The following SGSM2 variants were observed in gnomAD, a reference collection of about 807,000 sequenced individuals.
SGSM2 encodes RUN and TBC1 domain containing 1.
A neutral mutation model predicts 126.6 loss-of-function variants in SGSM2; 89 were observed. The observed-to-expected ratio is 0.70, with a 90% CI of 0.59 to 0.84. The LOEUF (loss-of-function observed/expected upper bound fraction) is 0.84. Ranked by LOEUF, SGSM2 falls within the 40% of genes least tolerant of loss-of-function variation. The probability of loss-of-function intolerance (pLI) is 0.00; values close to 1 mark genes in which losing one functional copy is unlikely to be tolerated. For synonymous variants in SGSM2, 614 were observed against 574.3 expected (o/e 1.07, Z -0.99); for missense variants, 1,404 against 1,416.6 (o/e 0.99, Z 0.14).
chr17:2,376,307 C>CG (rs200098096), intron 19 of SGSM2, 46 bp downstream of exon 19: 2 of 1,610,776 alleles, frequency 1.2e-6, no homozygotes, highest in Non-Finnish European at 1.7e-6. Context: ...GACCCTGCCG[C>CG]CAGTTACTCT....
chr17:2,352,936 C>G lies in SGSM2; in HGVS notation c.134-8701C>G, dbSNP rs1193446522. Among the ~76,000 whole-genome samples, 2 of 147,720 alleles carry G rather than the reference C, an allele frequency of 1.4e-5. 1 individual carries two copies. Among genetic ancestry groups the G allele is most frequent in the Non-Finnish European group, 3.0e-5 (2 of 66,880 alleles). On this transcript the variant is annotated intron_variant, in intron 2 of 23. Coordinates refer to ENST00000268989, the MANE Select transcript of SGSM2 (RefSeq NM_014853.3). ...GGGACTACAGGCGTCCGCCACCACGCCCGGCTAATTTTTTGTATTTTTAGT... is the reference window on the plus strand; with the variant it reads ...GGGACTACAGGCGTCCGCCACCACGGCCGGCTAATTTTTTGTATTTTTAGT...
Position 2,363,146 on chromosome 17 carries a change from C to A in SGSM2, c.672+12C>A, listed in dbSNP as rs1320088724. 12 of 1,585,514 alleles carry A rather than the reference C, an allele frequency of 7.6e-6. No individual in the cohort carries two copies. The highest frequency in any genetic ancestry group is 1.0e-5 in the Non-Finnish European group (12 of 1,168,588). On this transcript the variant is annotated intron_variant, in intron 6 of 23. Coordinates refer to ENST00000268989, the MANE Select transcript of SGSM2 (RefSeq NM_014853.3). This position sits in a 1 kb window ranked among gnomAD's most constrained non-coding sequence, Gnocchi z 4.2. ...GCCCAGCCCTGGGGGTAGGTGCCCC[C>A]TCCCCACCCTTTGGGCTCATCTGGG...
chr17:2,368,684 A>G (rs2065713272), intron 12 of SGSM2, among the ~76,000 whole-genome samples: 1 of 150,574 alleles, frequency 6.6e-6, no homozygotes, highest in Non-Finnish European at 1.5e-5. Flanking sequence ...CCCTTCCAAT[A>G]TGAGCCCGTA....
Position 2,375,696 on chromosome 17 carries a change from G to A in SGSM2, c.2305G>A (p.Asp769Asn). ...GGCCTCGGGCATCCAGTCAAGCCTA[G>A]ATGAGGGGCAGAGCGTGGGCTTCGA... ...SVASGIQSSL[D>N]EGQSVGFEEE... Residue 769 changes from aspartate to asparagine, a missense_variant, in exon 18 of 24, where the codon GAT becomes AAT. By Grantham distance (23) the Asp-to-Asn change is conservative. Transcript: ENST00000268989. The A allele has an allele frequency of 1.2e-6, 2 of 1,613,570 alleles. No homozygotes were observed. The highest frequency in any genetic ancestry group is 1.7e-6 in the Non-Finnish European group (2 of 1,179,640).
At chr17:2,360,869 C>G (rs118036039) in intron 2 of SGSM2, among the ~76,000 whole-genome samples, 1 of 152,194 alleles carries the variant, frequency 6.6e-6, no homozygotes, top group African/African-American at 2.4e-5. Flanking sequence ...TGACTGTGAT[C>G]GAGTTTCTTC....
At chr17:2,376,468 C>T (rs952612760) in intron 19 of SGSM2, 9 of 675,850 alleles carry the variant, frequency 1.3e-5, no homozygotes, top group African/African-American at 1.3e-4. Flanking sequence ...TCAGCCACAC[C>T]TCTTCAGGAA....
Position 2,372,774 on chromosome 17 carries a change from A to C in SGSM2, c.1789-179A>C. The C allele has an allele frequency of 1.1e-6, 1 of 886,214 alleles. No homozygotes were observed. The highest frequency in any genetic ancestry group is 1.7e-6 in the Non-Finnish European group (1 of 593,048). The allele number at this position is 886,214 out of a possible 1,614,324, so 54.9% of individuals were successfully genotyped here. A position where few individuals can be genotyped will look rare whatever the true frequency, so the allele number is the denominator to read the frequency against. ...CCTTAAGGAAGGAGAGCAGAACGAGATCTCATCCCACTGTGAGCTGGGGCA... is the reference window on the plus strand; with the variant it reads ...CCTTAAGGAAGGAGAGCAGAACGAGCTCTCATCCCACTGTGAGCTGGGGCA... On this transcript the variant is annotated intron_variant, in intron 15 of 23. Transcript: ENST00000268989. The surrounding 1 kb of genome is among the most constrained non-coding windows in gnomAD (Gnocchi z 6.0).
In SGSM2 at chr17:2,372,389, G is replaced by T. The variant is rs377055045; in HGVS notation, c.1689G>T (p.Ser563=). ...TGTCCACGGTGCGGACCCACCTGTCGGCGCTGGTGCACCATAGCGTTATCC... is the reference window on the plus strand; with the variant it reads ...TGTCCACGGTGCGGACCCACCTGTCTGCGCTGGTGCACCATAGCGTTATCC... The part of the protein sequence containing the change: ...RHLSTVRTHL[S]ALVHHSVIPP... The change falls in exon 15 of 24, where the codon TCG becomes TCT. Residue 563 remains serine, a synonymous_variant. Transcript: ENST00000268989. The surrounding 1 kb of genome is among the most constrained non-coding windows in gnomAD (Gnocchi z 6.0). The T allele has an allele frequency of 9.7e-5, 154 of 1,591,986 alleles. No homozygotes were observed. Among genetic ancestry groups the T allele is most frequent in the Non-Finnish European group, 1.2e-4 (146 of 1,171,358 alleles).
intron 2 of SGSM2, among the ~76,000 whole-genome samples, chr17:2,349,788 G>GTTT (rs2064768780): frequency 1.4e-5 from 2 of 147,516 alleles, no homozygotes; most frequent in Admixed American, 6.7e-5. Flanking sequence ...CTAGTGAAAT[G>GTTT]TTTTGTTTTT....
intron 2 of SGSM2, among the ~76,000 whole-genome samples, chr17:2,354,708 G>A (rs2065017991): frequency 6.6e-6 from 1 of 152,348 alleles, no homozygotes; most frequent in Non-Finnish European, 1.5e-5. Flanking sequence ...ACGGGTTGCA[G>A]CATCTTGCCT....
intron 1 of SGSM2, among the ~76,000 whole-genome samples, 170 bp from the exon 2 acceptor site, chr17:2,343,375 C>T (rs2064461814): frequency 2.0e-5 from 3 of 152,182 alleles, no homozygotes; most frequent in South Asian, 4.1e-4. Flanking sequence ...AGACTGGAAT[C>T]AGACTGTGCT....
At position 2,363,033 on chromosome 17, in the gene SGSM2, C is replaced by G; in HGVS notation, c.571C>G (p.His191Asp). 1 of 1,614,044 alleles carries G rather than the reference C, an allele frequency of 6.2e-7. No homozygotes were observed. The highest frequency in any genetic ancestry group is 8.5e-7 in the Non-Finnish European group (1 of 1,180,040). ...ATACACTAAGCTCAAGACAGCCGAT[C>G]ACTACTGGACTGACCCCTCTGCTGA... is the stretch of plus-strand genomic sequence containing the variant. ...LEYTKLKTADHYWTDPSADEL... is the reference protein window; with the variant it reads ...LEYTKLKTADDYWTDPSADEL... Residue 191 changes from histidine to aspartate, a missense_variant, in exon 6 of 24, where the codon CAC (histidine) becomes GAC (aspartate). By Grantham distance (81) the His-to-Asp change is moderately conservative. Transcript: ENST00000268989. The surrounding 1 kb of genome is among the most constrained non-coding windows in gnomAD (Gnocchi z 4.2).
intron 2 of SGSM2, among the ~76,000 whole-genome samples, chr17:2,344,030 G>A (rs185958214): frequency 6.6e-6 from 1 of 152,244 alleles, no homozygotes; most frequent in Admixed American, 6.5e-5. Flanking sequence ...TTCAGGGAGG[G>A]GTTTGTGCTT....
chr17:2,340,923 A>T (rs912512453), intron 1 of SGSM2, among the ~76,000 whole-genome samples: 3 of 152,126 alleles, frequency 2.0e-5, no homozygotes, highest in African/African-American at 7.2e-5. Context: ...TCCCTTCTGC[A>T]AGGAAAAACA....
chr17:2,366,969 C>CA lies in SGSM2; in HGVS notation c.1289-301dup, dbSNP rs1435296087. ...GAGGGCCGATGACCTCCTGGGCTGC[C>CA]AGCCCATCCCAGACAGTCCCGGTCT... On this transcript the variant is annotated intron_variant, in intron 11 of 23. Transcript: ENST00000268989. The CA allele has an allele frequency of 1.2e-5, 4 of 335,878 alleles. No homozygotes were observed. In the East Asian group the frequency reaches 2.0e-4, roughly 17 times the overall value. The allele number at this position is 335,878 out of a possible 1,614,324, so 20.8% of individuals were successfully genotyped here. A position where few individuals can be genotyped will look rare whatever the true frequency, so the allele number is the denominator to read the frequency against.
chr17:2,373,566 T>C (rs1597387961), intron 17 of SGSM2, 53 bp downstream of exon 17: 4 of 1,511,302 alleles, frequency 2.6e-6, no homozygotes, highest in Admixed American at 3.7e-5. Flanking sequence ...ACCCGCGTTT[T>C]ATGCACAGTG....
chr17:2,378,018 C>A, intron 22 of SGSM2, 65 bp downstream of exon 22: 2 of 1,052,420 alleles, frequency 1.9e-6, no homozygotes, highest in Non-Finnish European at 2.9e-6. Flanking sequence ...TTCCCCCAAG[C>A]CAACAGTTCT....
intron 2 of SGSM2, among the ~76,000 whole-genome samples, chr17:2,350,337 C>T (rs542969813): frequency 1.8e-4 from 27 of 151,526 alleles, no homozygotes; most frequent in Admixed American, 1.4e-3. Context: ...AGGTGGGGTG[C>T]GGTGGCTCAC....
chr17:2,340,760 A>AT (rs777226719), intron 1 of SGSM2, among the ~76,000 whole-genome samples: 3 of 150,122 alleles, frequency 2.0e-5, no homozygotes, highest in East Asian at 2.0e-4. Flanking sequence ...AATTTTTTGT[A>AT]TTTTTAGTAG....
Sources: gnomAD v4.1 joint callset for allele counts (sites outside exome capture counted in the v4.1 genomes callset) on GRCh38, gnomAD v4.1.1 for gene constraint, Gnocchi (gnomAD v3.1) non-coding constraint, MANE v1.5 for transcripts, NCBI Gene and HGNC (gene_info 2026-07-23, HGNC 2026-07-21) for gene names.